Variants in NDUFA10 observed in about 807,000 individuals in gnomAD.
NDUFA10 encodes the protein NADH:ubiquinone oxidoreductase subunit A10, also known as NADH dehydrogenase [ubiquinone] 1 alpha subcomplex subunit 10, mitochondrial.
NDUFA10 carries 40 observed loss-of-function variants against 47.8 expected under a neutral mutation model. The ratio of observed to expected loss-of-function variants is 0.84; its 90% CI spans 0.65 to 1.09. The LOEUF is 1.09. Among genes scored for constraint, NDUFA10 ranks in the 50% least tolerant of loss-of-function variants. The probability of loss-of-function intolerance (pLI) is 0.00; values close to 1 mark genes in which losing one functional copy is unlikely to be tolerated. For synonymous variants in NDUFA10, 183 were observed against 172.2 expected (o/e 1.06, Z -0.49); for missense variants, 413 against 451.1 (o/e 0.92, Z 0.76).
At chr2:239,930,770 C>A (rs956596941) in intron 4 of NDUFA10, among the ~76,000 whole-genome samples, 1 of 151,918 alleles carries the variant, frequency 6.6e-6, no homozygotes, top group African/African-American at 2.4e-5. Flanking sequence ...ATGGGTACAG[C>A]GAGCTCAGGA....
In NDUFA10 at chr2:239,963,532, G is replaced by A. The variant is rs541913922; in HGVS notation, c.1000-2346C>T. Among the ~76,000 whole-genome samples the A allele has an allele frequency of 2.7e-4, 41 of 152,332 alleles. 1 individual carries two copies. Among genetic ancestry groups the A allele is most frequent in the Admixed American group, 2.4e-3 (37 of 15,310 alleles). On this transcript the variant is annotated intron_variant, in intron 9 of 9. Transcript: ENST00000252711. ...GAGCAGTGACGGGCACCTGGGGCTG[G>A]CCTCAAAGGGCCTGACGGGGTCAGG... is the stretch of plus-strand genomic sequence containing the variant.
intron 9 of NDUFA10, among the ~76,000 whole-genome samples, chr2:239,968,721 C>T (rs1322845954): frequency 6.6e-6 from 1 of 152,096 alleles, no homozygotes; most frequent in Admixed American, 6.5e-5. Context: ...TCAGTGTGTG[C>T]AGGGGGTAAA....
At chr2:239,993,466 G>T (rs1438442024) in intron 8 of NDUFA10, among the ~76,000 whole-genome samples, 2 of 152,246 alleles carry the variant, frequency 1.3e-5, no homozygotes, top group African/African-American at 4.8e-5. Context: ...GCAGGTGGTG[G>T]TGGAAGAAGG....
At chr2:239,900,190 T>A (rs568772425) in intron 4 of NDUFA10, among the ~76,000 whole-genome samples, 65 of 152,244 alleles carry the variant, frequency 4.3e-4, no homozygotes, top group African/African-American at 1.5e-3. Context: ...GACTGAAGGC[T>A]GTACTGTTGG....
chr2:240,017,895 G>A, intron 4 of NDUFA10: 1 of 1,566,292 alleles, frequency 6.4e-7, no homozygotes. Flanking sequence ...ACTGGCTCCA[G>A]CCACCCCAGT....
At chr2:239,977,538 C>G (rs1476426722) in intron 9 of NDUFA10, among the ~76,000 whole-genome samples, 2 of 152,126 alleles carry the variant, frequency 1.3e-5, no homozygotes, top group African/African-American at 4.8e-5. Flanking sequence ...GAGTGCTCCA[C>G]AGCTGGACGA....
chr2:239,991,050 A>G (rs1439316404), intron 8 of NDUFA10, among the ~76,000 whole-genome samples: 1 of 152,142 alleles, frequency 6.6e-6, no homozygotes, highest in African/African-American at 2.4e-5. Context: ...AAATTATGTG[A>G]GTGTATCTGG....
Position 239,903,541 on chromosome 2 carries a change from G to A in NDUFA10, c.295-8227C>T, listed in dbSNP as rs79094298. 2.4e-3 allele frequency among the ~76,000 whole-genome samples: 359 copies of A among 152,340 alleles called. 1 individual carries two copies. The highest frequency in any genetic ancestry group is 8.2e-3 in the African/African-American group (341 of 41,568). On this transcript the variant is annotated intron_variant, in intron 4 of 5. Transcript: ENST00000419408. ...TGTTTTTCTATAAGGCCAGACATAA[G>A]GCGTGAGCATGCCTGACAAATAAGG... is the stretch of plus-strand genomic sequence containing the variant.
intron 4 of NDUFA10, among the ~76,000 whole-genome samples, chr2:239,898,919 T>TTGTGATGGAGGAGTGTGATGGAGGGG (rs1682495487): frequency 8.1e-6 from 1 of 123,720 alleles, no homozygotes; most frequent in African/African-American, 2.8e-5. Context: ...TGATGGAAGG[T>TTGTGATGGAGGAGTGTGATGGAGGGG]TGTGATGGAG....
chr2:239,983,399 G>C, intron 9 of NDUFA10: 1 of 1,423,668 alleles, frequency 7.0e-7, no homozygotes, highest in Admixed American at 2.5e-5. Flanking sequence ...GGAATTCTAT[G>C]AATTTCCAGA....
intron 4 of NDUFA10, among the ~76,000 whole-genome samples, chr2:239,948,083 T>C (rs762752415): frequency 1.6e-4 from 25 of 151,860 alleles, no homozygotes; most frequent in Non-Finnish European, 3.1e-4. Flanking sequence ...TCACTACAGC[T>C]GTTTGAGCAA....
intron 1 of NDUFA10, 62 bp downstream of exon 1, chr2:240,025,165 C>CG: frequency 3.6e-6 from 2 of 559,882 alleles, no homozygotes; most frequent in Non-Finnish European, 5.8e-6. Flanking sequence ...TGGAACTGCT[C>CG]CCCACCCCGC....
chr2:239,938,084 A>G (rs1694296829), intron 4 of NDUFA10, among the ~76,000 whole-genome samples: 1 of 152,100 alleles, frequency 6.6e-6, no homozygotes. Flanking sequence ...CTCGGGGATA[A>G]GAGAAGGGAG....
downstream of NDUFA10, among the ~76,000 whole-genome samples, chr2:239,952,965 T>C (rs1694581559): frequency 6.6e-6 from 1 of 152,174 alleles, no homozygotes; most frequent in Non-Finnish European, 1.5e-5. Flanking sequence ...AAGAAGAAGC[T>C]GAAGGGCCAC....
intron 8 of NDUFA10, among the ~76,000 whole-genome samples, chr2:239,990,579 T>G (rs908941861): frequency 1.3e-5 from 2 of 152,298 alleles, no homozygotes; most frequent in Non-Finnish European, 2.9e-5. Context: ...CCATTAACAA[T>G]TTTCCAGATG....
At chr2:239,955,770 C>A (rs1338757963), downstream of NDUFA10, among the ~76,000 whole-genome samples, 2 of 152,174 alleles carry the variant, frequency 1.3e-5, no homozygotes, top group African/African-American at 4.8e-5. Context: ...GGATGGCTGG[C>A]AGCTCCAAAC....
Position 239,960,578 on chromosome 2 carries a change from T to C in NDUFA10, c.*540A>G, listed in dbSNP as rs1312801952. ...CGTTCTTATTTTTTCTACTCTAATG[T>C]AGCACATTACTAAAATAAATACAGT... On this transcript the variant is annotated 3_prime_UTR_variant, in exon 10 of 10. Transcript: ENST00000252711. The C allele has an allele frequency of 3.0e-6, 3 of 1,009,494 alleles. No homozygotes were observed. Among genetic ancestry groups the C allele is most frequent in the African/African-American group, 1.7e-5 (1 of 58,484 alleles). The allele number at this position is 1,009,494 out of a possible 1,614,324, so 62.5% of individuals were successfully genotyped here. A position where few individuals can be genotyped will look rare whatever the true frequency, so the allele number is the denominator to read the frequency against.
chr2:240,014,397 ACCT>A (rs1165843888), intron 5 of NDUFA10: 4 of 366,142 alleles, frequency 1.1e-5, no homozygotes, highest in Non-Finnish European at 2.1e-5. Context: ...GGACACAAAA[ACCT>A]CATCAGAGAA....
chr2:239,964,597 C>G (rs553351021), intron 9 of NDUFA10, among the ~76,000 whole-genome samples: 4 of 152,220 alleles, frequency 2.6e-5, no homozygotes, highest in African/African-American at 9.6e-5. Context: ...TGCAGGGGAA[C>G]AGGTCGAGGA....
Sources: gnomAD v4.1 joint callset for allele counts (sites outside exome capture counted in the v4.1 genomes callset) on GRCh38, gnomAD v4.1.1 for gene constraint, MANE v1.5 for transcripts, NCBI Gene and HGNC (gene_info 2026-07-23, HGNC 2026-07-21) for gene names.